TTC7A: variants seen among roughly 807,000 people sequenced by gnomAD.
TTC7A encodes tetratricopeptide repeat protein 7A.
Under a neutral mutation model 103.7 loss-of-function variants are expected in TTC7A, and 110 were observed. The ratio of observed to expected loss-of-function variants is 1.06; its 90% CI spans 0.91 to 1.24. TTC7A has a LOEUF of 1.24. TTC7A is among the 50% of genes most tolerant of loss of function. The pLI is 0.00. For missense variants in TTC7A, 1,340 were observed against 1,116.3 expected (o/e 1.20, Z -2.86); for synonymous variants, 521 against 467.9 (o/e 1.11, Z -1.47).
chr2:47,048,041 G>A lies in TTC7A; in HGVS notation c.1919+1610G>A, dbSNP rs7580432. Among the ~76,000 whole-genome samples, 128 of 152,212 alleles carry A rather than the reference G, an allele frequency of 8.4e-4. 2 individuals are homozygous for A. The highest frequency in any genetic ancestry group is 2.6e-3 in the African/African-American group (106 of 41,542). On this transcript the variant is annotated intron_variant, in intron 16 of 19. Coordinates refer to ENST00000319190, the MANE Select transcript of TTC7A (RefSeq NM_020458.4). The stretch of plus-strand genomic sequence containing the variant: ...GCCTAGCAGACCTTCACTATCAGCC[G>A]CACCTTCCACTGAACTCCCTGACCC...
intron 2 of TTC7A, among the ~76,000 whole-genome samples, chr2:46,952,452 G>A (rs1671497899): frequency 6.6e-6 from 1 of 152,188 alleles, no homozygotes. Flanking sequence ...TAAGTAATTT[G>A]AGTGATAAAT....
At chr2:47,051,645 G>C in intron 17 of TTC7A, 101 bp from the exon 18 acceptor site, 1 of 1,443,392 alleles carries the variant, frequency 6.9e-7, no homozygotes, top group Non-Finnish European at 9.3e-7. Context: ...CCCTGATTCA[G>C]GGTGCCCTGT....
intron 3 of TTC7A, among the ~76,000 whole-genome samples, chr2:46,963,904 G>C (rs1672603838): frequency 6.6e-6 from 1 of 152,182 alleles, no homozygotes; most frequent in Admixed American, 6.5e-5. Flanking sequence ...CAGCACCTAG[G>C]ATACTGGGCT....
At chr2:47,070,226 T>C (rs1480690542) in intron 19 of TTC7A, among the ~76,000 whole-genome samples, 1 of 152,232 alleles carries the variant, frequency 6.6e-6, no homozygotes. Context: ...CCACAGCCCC[T>C]GGCCACACAC....
chr2:46,919,705 C>T (rs1668999433), intron 2 of TTC7A, among the ~76,000 whole-genome samples: 1 of 152,204 alleles, frequency 6.6e-6, no homozygotes, highest in Non-Finnish European at 1.5e-5. Flanking sequence ...GGAATTCCTT[C>T]TAACAGGGAG....
Position 46,994,816 on chromosome 2 carries a change from C to T in TTC7A, c.1001+302C>T, listed in dbSNP as rs78795882. ...TCGCTTGTGCCATTCATCGAAGGTGCGGTCTGTAGCCAACCAGCAGAGCGT... is the reference window on the plus strand; with the variant it reads ...TCGCTTGTGCCATTCATCGAAGGTGTGGTCTGTAGCCAACCAGCAGAGCGT... On this transcript the variant is annotated intron_variant, in intron 7 of 19. Transcript: ENST00000319190. Among the ~76,000 whole-genome samples, 272 of 152,318 alleles carry T rather than the reference C, an allele frequency of 1.8e-3. 3 individuals are homozygous for T. In the Middle Eastern group the frequency reaches 0.024, roughly 13 times the overall value.
chr2:47,036,995 C>A (rs1681183589), intron 15 of TTC7A, among the ~76,000 whole-genome samples: 1 of 152,190 alleles, frequency 6.6e-6, no homozygotes, highest in Non-Finnish European at 1.5e-5. Context: ...CAGGCTGGCT[C>A]CTGCTCAGAG....
intron 11 of TTC7A, 78 bp from the exon 12 acceptor site, chr2:47,021,784 G>T: frequency 8.8e-7 from 1 of 1,132,432 alleles, no homozygotes; most frequent in South Asian, 1.3e-5. Flanking sequence ...TCTGTTTCGG[G>T]AACAGGTCCA....
intron 5 of TTC7A, 118 bp downstream of exon 5, chr2:46,979,025 G>A (rs1674161737): frequency 5.9e-6 from 4 of 673,146 alleles, no homozygotes; most frequent in Non-Finnish European, 1.0e-5. Context: ...CTTCCAAGAG[G>A]ATTGGTGGGA....
intron 7 of TTC7A, 134 bp downstream of exon 7, chr2:46,994,648 G>A (rs536306461): frequency 3.4e-6 from 3 of 879,284 alleles, no homozygotes; most frequent in South Asian, 3.3e-5. Context: ...AGCCTCCTCA[G>A]TCTCAGCAGG....
intron 15 of TTC7A, among the ~76,000 whole-genome samples, chr2:47,038,648 ACCCACCCCCC>A (rs1681416694): frequency 2.6e-5 from 1 of 38,852 alleles, no homozygotes; most frequent in Non-Finnish European, 4.9e-5. Context: ...CCCTCCCCCC[ACCCACCCCCC>A]CGACACACAG....
chr2:46,954,404 G>T (rs959467289), intron 2 of TTC7A, among the ~76,000 whole-genome samples: 2 of 152,040 alleles, frequency 1.3e-5, no homozygotes, highest in African/African-American at 4.8e-5. Context: ...TCAAATGCAT[G>T]GGCCCCACAG....
At chr2:46,929,500 TAAAG>T (rs1553360008) in intron 2 of TTC7A, among the ~76,000 whole-genome samples, 3 of 151,904 alleles carry the variant, frequency 2.0e-5, no homozygotes, top group Non-Finnish European at 4.4e-5. Context: ...CATAAATAAA[TAAAG>T]AAATAAATAG....
chr2:46,992,175 G>A (rs1249874399), intron 5 of TTC7A, among the ~76,000 whole-genome samples: 2 of 152,238 alleles, frequency 1.3e-5, no homozygotes, highest in Admixed American at 6.5e-5. Context: ...CCCCCTGAGT[G>A]GATGAGCAGG....
At chr2:47,038,174 G>A (rs1379357426) in intron 15 of TTC7A, among the ~76,000 whole-genome samples, 4 of 151,288 alleles carry the variant, frequency 2.6e-5, no homozygotes, top group African/African-American at 7.3e-5. Flanking sequence ...CAGGAGAATC[G>A]CTTGAACCCA....
intron 14 of TTC7A, among the ~76,000 whole-genome samples, chr2:47,026,071 G>A (rs537479704): frequency 7.0e-4 from 107 of 152,326 alleles, no homozygotes; most frequent in African/African-American, 2.5e-3. Flanking sequence ...GGAGCCAGTG[G>A]AGCCTAGGGC....
upstream of TTC7A, among the ~76,000 whole-genome samples, chr2:46,940,635 A>G (rs1670248974): frequency 6.6e-6 from 1 of 152,276 alleles, no homozygotes; most frequent in African/African-American, 2.4e-5. This position sits in a 1 kb window ranked among gnomAD's most constrained non-coding sequence, Gnocchi z 4.7. Context: ...GATTCCACAG[A>G]GGACAGGTCA....
chr2:47,022,014 GA>G, intron 12 of TTC7A, 35 bp downstream of exon 12: 2 of 1,521,990 alleles, frequency 1.3e-6, no homozygotes, highest in East Asian at 4.5e-5. Context: ...TCTACTTGGG[GA>G]TGGCTCAGGC....
chr2:47,034,528 G>A (rs751859306), intron 15 of TTC7A, among the ~76,000 whole-genome samples: 8 of 152,298 alleles, frequency 5.3e-5, no homozygotes, highest in South Asian at 2.1e-4. Context: ...AATTCCTTGG[G>A]CTTTAGTCAG....
Sources: allele counts gnomAD v4.1 joint callset (sites outside exome capture counted in the v4.1 genomes callset), GRCh38; gene constraint gnomAD v4.1.1; non-coding constraint Gnocchi (gnomAD v3.1); transcripts MANE v1.5; gene names NCBI Gene and HGNC (gene_info 2026-07-23, HGNC 2026-07-21).